Variants in PDE8B observed in about 807,000 individuals in gnomAD.
PDE8B encodes high affinity cAMP-specific and IBMX-insensitive 3',5'-cyclic phosphodiesterase 8B.
PDE8B carries 26 observed loss-of-function variants against 101.3 expected under a neutral mutation model. The observed-to-expected ratio is 0.26, with a 90% confidence interval of 0.19 to 0.36. The LOEUF is 0.36. PDE8B is among the 10% of genes least tolerant of loss of function. The pLI is 1.00. For missense variants in PDE8B, 810 were observed against 1,163.1 expected (o/e 0.70, Z 4.42); for synonymous variants, 424 against 429.3 (o/e 0.99, Z 0.15).
In PDE8B at chr5:77,217,540, A is replaced by ATTT. The variant is rs1249299993; in HGVS notation, c.339+6288_339+6290dup. Among the ~76,000 whole-genome samples the ATTT allele has an allele frequency of 8.8e-3, 1,282 of 145,140 alleles. 19 individuals are homozygous for ATTT. The highest frequency in any genetic ancestry group is 0.03 in the African/African-American group (1,196 of 39,814). On this transcript the variant is annotated intron_variant, in intron 1 of 21. Transcript: ENST00000264917. Reference sequence around the variant, plus strand: ...AGTTATGTTTTAGTAGAAAACACCAATTTTTTTTTTTTTTGAGATGAGGTC... The same window carrying ATTT: ...AGTTATGTTTTAGTAGAAAACACCAATTTTTTTTTTTTTTTTTGAGATGAGGTC...
At chr5:77,255,277 C>T (rs984320531) in intron 1 of PDE8B, among the ~76,000 whole-genome samples, 2 of 152,178 alleles carry the variant, frequency 1.3e-5, no homozygotes, top group Non-Finnish European at 2.9e-5. Flanking sequence ...GTTCATTTTT[C>T]TCCCTATGCA....
intron 1 of PDE8B, chr5:77,290,899 A>T: frequency 6.2e-7 from 1 of 1,604,676 alleles, no homozygotes; most frequent in African/African-American, 1.3e-5. Flanking sequence ...AAGGTTCTGG[A>T]GGACAACAAG....
chr5:77,182,674 G>A, the PDE8B span, among the ~76,000 whole-genome samples: 1 of 151,908 alleles, frequency 6.6e-6, no homozygotes, highest in Admixed American at 6.6e-5. Flanking sequence ...TATCAGTTTG[G>A]TAATGAAATA....
the PDE8B span, among the ~76,000 whole-genome samples, chr5:77,179,102 C>T: frequency 6.6e-6 from 1 of 152,186 alleles, no homozygotes; most frequent in African/African-American, 2.4e-5. Context: ...CATTGGGAGT[C>T]ATCTTGAAGT....
intron 2 of PDE8B, among the ~76,000 whole-genome samples, chr5:77,321,142 A>ATTTTTTTTTTTTTTTTTTTTTTTTTTTT (rs10538529): frequency 2.6e-5 from 2 of 76,430 alleles, no homozygotes; most frequent in Non-Finnish European, 4.9e-5. Context: ...CAGTATCTCT[A>ATTTTTTTTTTTTTTTTTTTTTTTTTTTT]TTTTTTTTTT....
intron 1 of PDE8B, among the ~76,000 whole-genome samples, chr5:77,307,000 T>C (rs899981133): frequency 5.3e-5 from 8 of 152,174 alleles, no homozygotes; most frequent in Non-Finnish European, 7.4e-5. Context: ...GGCAAGCCAA[T>C]GTTTGATTTT....
At chr5:77,425,695 C>G in intron 20 of PDE8B, 72 bp from the exon 21 acceptor site, 2 of 1,508,352 alleles carry the variant, frequency 1.3e-6, no homozygotes, top group Non-Finnish European at 1.8e-6. Context: ...CAGGGTTGTT[C>G]TGAGAAACAG....
chr5:77,352,645 AAG>A (rs138915750), intron 9 of PDE8B, among the ~76,000 whole-genome samples: 1 of 151,766 alleles, frequency 6.6e-6, no homozygotes, highest in Non-Finnish European at 1.5e-5. Context: ...GAACCAGGTA[AAG>A]AGAGAGAGAG....
At chr5:77,383,887 TGTA>T (rs1247695342) in intron 10 of PDE8B, among the ~76,000 whole-genome samples, 1 of 152,194 alleles carries the variant, frequency 6.6e-6, no homozygotes, top group Non-Finnish European at 1.5e-5. Context: ...ACTGTAGCCT[TGTA>T]GTATAGTTTG....
intron 10 of PDE8B, among the ~76,000 whole-genome samples, chr5:77,354,411 T>G (rs1017896656): frequency 3.9e-5 from 6 of 151,994 alleles, no homozygotes; most frequent in African/African-American, 1.5e-4. Flanking sequence ...CATAATACCA[T>G]GAAGTCATGC....
intron 10 of PDE8B, among the ~76,000 whole-genome samples, chr5:77,372,201 A>AAACAACAACAACAACAACAAC (rs3031818): frequency 6.6e-6 from 1 of 151,656 alleles, no homozygotes; most frequent in South Asian, 2.1e-4. Context: ...TTCTGTCTCA[A>AAACAACAACAACAACAACAAC]AACAACAACA....
At chr5:77,229,238 C>T (rs545633968) in intron 1 of PDE8B, among the ~76,000 whole-genome samples, 73 of 152,190 alleles carry the variant, frequency 4.8e-4, no homozygotes, top group Middle Eastern at 3.4e-3. Context: ...GAATCAAATA[C>T]GGAATTCATT....
At chr5:77,330,539 C>G (rs1418520498) in intron 4 of PDE8B, among the ~76,000 whole-genome samples, 1 of 152,084 alleles carries the variant, frequency 6.6e-6, no homozygotes, top group Admixed American at 6.5e-5. Flanking sequence ...ATTTGGAGTT[C>G]CAGAAGAAAA....
rs34047237 is a variant in PDE8B, at chr5:77,346,205, T to C, written c.876+1274T>C. Among the ~76,000 whole-genome samples the C allele has an allele frequency of 7.4e-3, 1,120 of 152,334 alleles. 7 individuals carry two copies. Among genetic ancestry groups the C allele is most frequent in the Non-Finnish European group, 0.01 (706 of 68,038 alleles). On this transcript the variant is annotated intron_variant, in intron 7 of 21. Transcript: ENST00000264917. ...TGTTTTATGGCTGCCCCGTGAAATG[T>C]ATCTGAAGGCTTCCTCATGATGCTG...
chr5:77,214,564 G>C (rs1218931126), intron 1 of PDE8B, among the ~76,000 whole-genome samples: 7 of 152,158 alleles, frequency 4.6e-5, no homozygotes, highest in Admixed American at 2.6e-4. Flanking sequence ...TATGTTTTCT[G>C]TTCCATAGCA....
At chr5:77,280,571 T>G (rs251427) in intron 1 of PDE8B, among the ~76,000 whole-genome samples, 27,518 of 151,822 alleles carry the variant, frequency 0.18, 2,790 homozygotes, top group South Asian at 0.23. Flanking sequence ...TATTGTCAGT[T>G]TTTTTCCTAA....
rs1284423607 is a variant in PDE8B at position 77,427,048 on chromosome 5, AAAAC to A, written c.*495_*498del. On this transcript the variant is annotated 3_prime_UTR_variant, in exon 22 of 22. Transcript: ENST00000264917. ...GAACAGATTTATCTAAGAAAAAAAA[AAAAC>A]GACATAAAATAAGTGAAACAACTAG... 3.2e-5 allele frequency: 5 copies of A among 158,672 alleles called. No individual in the cohort carries two copies. Among genetic ancestry groups the A allele is most frequent in the Non-Finnish European group, 5.6e-5 (4 of 72,066 alleles). 9.8% of individuals were successfully genotyped at this position (158,672 alleles called of 1,614,324 possible). A position where few individuals can be genotyped will look rare whatever the true frequency, so the allele number is the denominator to read the frequency against.
At chr5:77,170,220 G>A in the PDE8B span, among the ~76,000 whole-genome samples, 1 of 152,182 alleles carries the variant, frequency 6.6e-6, no homozygotes, top group Non-Finnish European at 1.5e-5. Flanking sequence ...GGTTTTTGGA[G>A]CCAGAGTGCA....
intron 14 of PDE8B, chr5:77,410,520 C>T (rs1794343380): frequency 6.6e-6 from 1 of 152,228 alleles, no homozygotes; most frequent in Non-Finnish European, 1.5e-5. Flanking sequence ...TCTCCTACCT[C>T]ACTGCCATAC....
Sources: allele counts gnomAD v4.1 joint callset (sites outside exome capture counted in the v4.1 genomes callset), GRCh38; gene constraint gnomAD v4.1.1; transcripts MANE v1.5; gene names NCBI Gene and HGNC (gene_info 2026-07-23, HGNC 2026-07-21).